Variants in PIGU observed in about 807,000 individuals in gnomAD.
The protein encoded by PIGU is phosphatidylinositol glycan anchor biosynthesis class U.
PIGU carries 24 observed loss-of-function variants against 49.9 expected under a neutral mutation model. The ratio of observed to expected loss-of-function variants is 0.48; its 90% CI spans 0.35 to 0.68. The LOEUF is 0.68. Ranked by LOEUF, PIGU falls within the 30% of genes least tolerant of loss-of-function variation. PIGU has a pLI of 0.01. For synonymous variants in PIGU, 220 were observed against 205.7 expected (o/e 1.07, Z -0.59); for missense variants, 490 against 532.6 (o/e 0.92, Z 0.79).
chr20:34,598,117 G>A (rs936615358), intron 7 of PIGU, among the ~76,000 whole-genome samples: 3 of 152,194 alleles, frequency 2.0e-5, no homozygotes, highest in African/African-American at 4.8e-5. Context: ...GGAGTGCAGT[G>A]TAGAAGGAGG....
chr20:34,652,978 T>C (rs1310784718), intron 2 of PIGU, among the ~76,000 whole-genome samples: 1 of 151,772 alleles, frequency 6.6e-6, no homozygotes. Flanking sequence ...AGTTGGGTTT[T>C]TTTTTTTTTT....
chr20:34,657,263 A>G lies in PIGU; in HGVS notation c.131-19T>C. ...TCAACCACTGAAAAATTAGATATACAAGTTCACTCAGACTAAGCAGGCAGC... is the reference window on the plus strand; with the variant it reads ...TCAACCACTGAAAAATTAGATATACGAGTTCACTCAGACTAAGCAGGCAGC... On this transcript the variant is annotated intron_variant, in intron 1 of 11. Transcript: ENST00000217446. The G allele has an allele frequency of 6.3e-7, 1 of 1,596,492 alleles. No individual in the cohort carries two copies. Among genetic ancestry groups the G allele is most frequent in the Non-Finnish European group, 8.6e-7 (1 of 1,164,308 alleles).
intron 1 of PIGU, among the ~76,000 whole-genome samples, chr20:34,664,419 C>G (rs1308233150): frequency 6.6e-6 from 1 of 152,208 alleles, no homozygotes; most frequent in Admixed American, 6.5e-5. Context: ...AAACAGTTGA[C>G]CGGGCACAGT....
intron 9 of PIGU, among the ~76,000 whole-genome samples, chr20:34,584,392 C>A (rs867094500): frequency 2.0e-4 from 30 of 152,096 alleles, no homozygotes; most frequent in Non-Finnish European, 1.8e-4. Flanking sequence ...GGTGGCCAGC[C>A]TCCCAACTAA....
intron 11 of PIGU, among the ~76,000 whole-genome samples, chr20:34,564,761 G>A (rs1183253608): frequency 6.6e-6 from 1 of 152,252 alleles, no homozygotes; most frequent in African/African-American, 2.4e-5. Context: ...TGTGAATGGT[G>A]GACTCCCGCT....
intron 4 of PIGU, among the ~76,000 whole-genome samples, chr20:34,642,201 C>A (rs1314990686): frequency 6.6e-6 from 1 of 152,132 alleles, no homozygotes; most frequent in African/African-American, 2.4e-5. Context: ...CATAAACTAA[C>A]CCTACCATTA....
chr20:34,657,276 C>G (rs770672737), intron 1 of PIGU, 32 bp from the exon 2 acceptor site: 1 of 1,566,634 alleles, frequency 6.4e-7, no homozygotes, highest in South Asian at 1.1e-5. Context: ...TTCACTCAGA[C>G]TAAGCAGGCA....
intron 4 of PIGU, 87 bp downstream of exon 4, chr20:34,644,077 G>T (rs1289212078): frequency 2.0e-5 from 25 of 1,252,304 alleles, no homozygotes; most frequent in Non-Finnish European, 2.9e-5. Flanking sequence ...TAAAGCATCT[G>T]GATCCTTAAG....
At chr20:34,584,017 T>C (rs1983593723) in intron 9 of PIGU, among the ~76,000 whole-genome samples, 1 of 152,186 alleles carries the variant, frequency 6.6e-6, no homozygotes, top group South Asian at 2.1e-4. Flanking sequence ...GCTAGGATAA[T>C]AGAACCATTT....
intron 1 of PIGU, among the ~76,000 whole-genome samples, chr20:34,672,327 G>A (rs1028014394): frequency 6.6e-6 from 1 of 152,186 alleles, no homozygotes; most frequent in Non-Finnish European, 1.5e-5. Context: ...TTTTCCTGTT[G>A]AAATGGATAT....
At chr20:34,637,525 G>A (rs1986006077) in intron 5 of PIGU, among the ~76,000 whole-genome samples, 1 of 152,154 alleles carries the variant, frequency 6.6e-6, no homozygotes, top group Non-Finnish European at 1.5e-5. Context: ...TGCTTGAAAT[G>A]GCAGCCACAT....
chr20:34,625,420 A>G (rs1985440353), intron 6 of PIGU, among the ~76,000 whole-genome samples: 2 of 151,892 alleles, frequency 1.3e-5, no homozygotes, highest in Non-Finnish European at 2.9e-5. Flanking sequence ...CGAAAAGGAA[A>G]TAAAACTCAC....
At position 34,562,640 on chromosome 20, in the gene PIGU, G is replaced by A. The variant is rs1233395506; in HGVS notation, c.1195-1661C>T. On this transcript the variant is annotated intron_variant, in intron 11 of 11. Transcript: ENST00000217446. ...CAAAGGGTTCAATGGTTGGCCTAAG[G>A]CTACACCTGGAGCACTGGACTAATG... 4 of 1,145,360 alleles carry A rather than the reference G, an allele frequency of 3.5e-6. No homozygotes were observed. In the South Asian group the frequency reaches 5.1e-5, roughly 15 times the overall value. The allele number at this position is 1,145,360 out of a possible 1,614,324, so 70.9% of individuals were successfully genotyped here.
At chr20:34,562,804 C>G (rs1982584661) in intron 11 of PIGU, among the ~76,000 whole-genome samples, 1 of 152,236 alleles carries the variant, frequency 6.6e-6, no homozygotes, top group Admixed American at 6.5e-5. Context: ...CAGCTCCAGG[C>G]TGGCCCACTG....
At chr20:34,608,522 T>G (rs1984698972) in intron 7 of PIGU, among the ~76,000 whole-genome samples, 1 of 152,202 alleles carries the variant, frequency 6.6e-6, no homozygotes, top group African/African-American at 2.4e-5. Context: ...GAGGACTATT[T>G]TGCTTTTTTT....
intron 7 of PIGU, among the ~76,000 whole-genome samples, chr20:34,589,649 C>CTTTTTT (rs34119895): frequency 1.9e-5 from 1 of 53,668 alleles, no homozygotes. Flanking sequence ...CTGCACCTGG[C>CTTTTTT]TTTTTTTTTT....
intron 7 of PIGU, among the ~76,000 whole-genome samples, chr20:34,615,629 C>G (rs887021153): frequency 6.6e-6 from 1 of 152,058 alleles, no homozygotes; most frequent in Non-Finnish European, 1.5e-5. Flanking sequence ...AATTGTACAC[C>G]ATTCTGAGTA....
rs1397068088 is a variant in PIGU at position 34,676,638 on chromosome 20, C to T, written c.130+318G>A. Among the ~76,000 whole-genome samples, 4 of 152,308 alleles carry T rather than the reference C, an allele frequency of 2.6e-5. No individual in the cohort carries two copies. In the South Asian group the frequency reaches 6.2e-4, roughly 24 times the overall value. On this transcript the variant is annotated intron_variant, in intron 1 of 11. Coordinates refer to ENST00000217446, the MANE Select transcript of PIGU (RefSeq NM_080476.5). ...AAGCCGCGCTCCACAAGCACCTCCTCCTCTTATTCCAACCCTTCCCACAGA... is the reference window on the plus strand; with the variant it reads ...AAGCCGCGCTCCACAAGCACCTCCTTCTCTTATTCCAACCCTTCCCACAGA...
chr20:34,636,031 A>AC (rs921618515), intron 5 of PIGU, among the ~76,000 whole-genome samples: 10 of 150,864 alleles, frequency 6.6e-5, no homozygotes, highest in Non-Finnish European at 1.2e-4. Context: ...TCTCTACTAA[A>AC]AAAAAAACAT....
Sources: gnomAD v4.1 joint callset for allele counts (sites outside exome capture counted in the v4.1 genomes callset) on GRCh38, gnomAD v4.1.1 for gene constraint, MANE v1.5 for transcripts, NCBI Gene and HGNC (gene_info 2026-07-23, HGNC 2026-07-21) for gene names.